POLI: variants seen among roughly 807,000 people sequenced by gnomAD.
POLI encodes the protein DNA polymerase iota.
Under a neutral mutation model 51.6 loss-of-function variants are expected in POLI, and 58 were observed. That is an observed-to-expected ratio of 1.12 (90% confidence interval 0.91 to 1.40). The LOEUF (loss-of-function observed/expected upper bound fraction) is 1.40, where lower values mean the gene tolerates loss of function less well. POLI is among the 40% of genes most tolerant of loss of function. The pLI is 0.00. For synonymous variants in POLI, 322 were observed against 299.7 expected (o/e 1.07, Z -0.77); for missense variants, 921 against 871.3 (o/e 1.06, Z -0.72).
intron 3 of POLI, among the ~76,000 whole-genome samples, chr18:54,275,750 CT>C (rs1372837679): frequency 6.6e-6 from 1 of 151,996 alleles, no homozygotes; most frequent in Non-Finnish European, 1.5e-5. Context: ...TCACTTGCAC[CT>C]GTTTTTAATT....
intron 3 of POLI, 66 bp downstream of exon 3, chr18:54,274,156 A>AT (rs2087135410): frequency 1.3e-6 from 1 of 750,194 alleles, no homozygotes; most frequent in Non-Finnish European, 1.9e-6. Context: ...CATTACATGA[A>AT]TTTTTTAATA....
rs936190911 is a variant in POLI at position 54,291,951 on chromosome 18, A to T, written c.1317A>T (p.Lys439Asn). The T allele has an allele frequency of 1.2e-6, 2 of 1,610,636 alleles. No homozygotes were observed. The highest frequency in any genetic ancestry group is 1.7e-6 in the Non-Finnish European group (2 of 1,177,318). The change falls in exon 9 of 10, where the codon AAA (lysine) becomes AAT (asparagine). Residue 439 changes from lysine to asparagine, a missense_variant. Lys to Asn is a moderately conservative substitution (Grantham distance 94). Coordinates refer to ENST00000579534, the MANE Select transcript of POLI (RefSeq NM_007195.3). The stretch of plus-strand genomic sequence containing the variant: ...TAAGTGTGTGCTTCTGCAACCTTAA[A>T]GCACTAAATACTGCTAAGAAAGGGC... ...TLLSVCFCNL[K>N]ALNTAKKGLI... is the part of the protein sequence containing the mutation.
At chr18:54,275,619 A>G (rs1041033096) in intron 3 of POLI, among the ~76,000 whole-genome samples, 7 of 152,218 alleles carry the variant, frequency 4.6e-5, no homozygotes, top group African/African-American at 1.7e-4. Context: ...GCCTCCTCTC[A>G]TATTCATCAT....
downstream of POLI, among the ~76,000 whole-genome samples, chr18:54,303,100 T>C (rs2088519867): frequency 6.6e-6 from 1 of 152,226 alleles, no homozygotes; most frequent in African/African-American, 2.4e-5. Context: ...AGCTGTGATA[T>C]ATAGTCTTGC....
intron 3 of POLI, among the ~76,000 whole-genome samples, chr18:54,304,477 A>G (rs1176548973): frequency 1.3e-5 from 2 of 152,196 alleles, no homozygotes; most frequent in Non-Finnish European, 2.9e-5. Context: ...ATGGTATCTC[A>G]TTGTGGTTTT....
intron 3 of POLI, among the ~76,000 whole-genome samples, chr18:54,310,896 A>G (rs1285331470): frequency 6.6e-6 from 1 of 152,162 alleles, no homozygotes; most frequent in East Asian, 1.9e-4. Context: ...TCTGAGAACT[A>G]TACAGAATCA....
intron 1 of POLI, 79 bp downstream of exon 1, chr18:54,269,740 G>T: frequency 2.1e-6 from 3 of 1,407,004 alleles, no homozygotes; most frequent in Non-Finnish European, 2.8e-6. Context: ...TCGGGGCGGC[G>T]GCCACTGGGG....
chr18:54,269,586 GGCGA>G lies in POLI; in HGVS notation c.41_44del (p.Gly14AlafsTer41). 5 of 1,415,776 alleles carry G rather than the reference GGCGA, an allele frequency of 3.5e-6. No individual in the cohort carries two copies. Among genetic ancestry groups the G allele is most frequent in the Non-Finnish European group, 4.6e-6 (5 of 1,097,784 alleles). 87.7% of individuals were successfully genotyped at this position (1,415,776 alleles called of 1,614,324 possible). ...GGTGGAGCCGGAGGAGGAAGGCGGCGGCGACGACGACGAGGAAGACGCCGAGGCC... is the reference window on the plus strand; with the variant it reads ...GGTGGAGCCGGAGGAGGAAGGCGGCGCGACGACGAGGAAGACGCCGAGGCC... On this transcript the variant is annotated frameshift_variant, in exon 1 of 10. Transcript: ENST00000579534. LOFTEE classifies it high-confidence loss of function.
chr18:54,295,997 A>T lies in POLI; in HGVS notation c.*1530A>T. 4.1e-6 allele frequency: 4 copies of T among 985,014 alleles called. No individual in the cohort carries two copies. In the South Asian group the frequency reaches 1.4e-4, roughly 35 times the overall value. The allele number at this position is 985,014 out of a possible 1,614,324, so 61.0% of individuals were successfully genotyped here. A position where few individuals can be genotyped will look rare whatever the true frequency, so the allele number is the denominator to read the frequency against. On this transcript the variant is annotated 3_prime_UTR_variant, in exon 10 of 10. Transcript: ENST00000579534. ...AAATATGCTAACACGAAGGATTGTA[A>T]ATAGGTAGTTTGAGGTTATCAGGAA...
chr18:54,269,776 T>C, intron 1 of POLI, 115 bp downstream of exon 1: 19 of 1,390,644 alleles, frequency 1.4e-5, no homozygotes, highest in Non-Finnish European at 1.8e-5. Flanking sequence ...CCCACTCGGC[T>C]CCTCTAAGAG....
downstream of POLI, among the ~76,000 whole-genome samples, chr18:54,299,611 A>G (rs769976467): frequency 7.2e-5 from 11 of 152,198 alleles, no homozygotes; most frequent in Non-Finnish European, 1.6e-4. Context: ...AATAATAAAC[A>G]CAGCATCTGT....
intron 3 of POLI, among the ~76,000 whole-genome samples, chr18:54,277,023 T>C (rs1361283652): frequency 5.9e-5 from 9 of 152,168 alleles, no homozygotes; most frequent in African/African-American, 2.2e-4. Context: ...TATATGAAAA[T>C]TGATAGTTTT....
At chr18:54,281,100 A>G (rs1434015076) in intron 5 of POLI, among the ~76,000 whole-genome samples, 197 bp downstream of exon 5, 1 of 152,160 alleles carries the variant, frequency 6.6e-6, no homozygotes, top group Non-Finnish European at 1.5e-5. Flanking sequence ...TTGGATTAAG[A>G]AATATGTGAA....
At chr18:54,310,871 G>T (rs2088660713) in intron 3 of POLI, among the ~76,000 whole-genome samples, 1 of 151,944 alleles carries the variant, frequency 6.6e-6, no homozygotes. Flanking sequence ...TCTAGGTTTG[G>T]CCGCCAGAAA....
intron 3 of POLI, among the ~76,000 whole-genome samples, chr18:54,307,739 A>C (rs62091233): frequency 3.9e-5 from 6 of 152,108 alleles, no homozygotes; most frequent in Non-Finnish European, 8.8e-5. Context: ...GTAGATCACT[A>C]AGGACTTGCT....
intron 3 of POLI, among the ~76,000 whole-genome samples, chr18:54,313,253 G>C (rs997204696): frequency 6.6e-6 from 1 of 152,116 alleles, no homozygotes; most frequent in Admixed American, 6.5e-5. Context: ...AAGATCAGAT[G>C]GTTGTAGGTA....
At position 54,294,265 on chromosome 18, in the gene POLI, CAGAT is replaced by C. The variant is rs765053287; in HGVS notation, c.2024_2027del (p.Asp675AlafsTer6). 3 of 1,613,656 alleles carry C rather than the reference CAGAT, an allele frequency of 1.9e-6. No homozygotes were observed. The highest frequency in any genetic ancestry group is 2.5e-6 in the Non-Finnish European group (3 of 1,179,684). On this transcript the variant is annotated frameshift_variant, in exon 10 of 10. Transcript: ENST00000579534. LOFTEE classifies it high-confidence loss of function. The stretch of plus-strand genomic sequence containing the variant: ...CAACTTTTCTCCAGAAACCACACTA[CAGAT>C]AGCCATAAGCAAACAGTAGCAACAG...
rs897802628 is a variant in POLI, at chr18:54,271,635, C to T, written c.241+150C>T. The stretch of plus-strand genomic sequence containing the variant: ...ATAGCTGGTCATTTTTGCTTCACTA[C>T]CAAGTGTAAATTTTACAAGCCTCAT... On this transcript the variant is annotated intron_variant, in intron 2 of 9. Transcript: ENST00000579534. 11 of 541,458 alleles carry T rather than the reference C, an allele frequency of 2.0e-5. No individual in the cohort carries two copies. In the African/African-American group the frequency reaches 2.1e-4, roughly 10 times the overall value. The allele number at this position is 541,458 out of a possible 1,614,324, so 33.5% of individuals were successfully genotyped here. A position where few individuals can be genotyped will look rare whatever the true frequency, so the allele number is the denominator to read the frequency against.
At position 54,315,883 on chromosome 18, in the gene POLI, T is replaced by C. The variant is rs558807987; in HGVS notation, c.334-4390T>C. ...TGGGTTTCTTGAAGACAGCAGACAG[T>C]TGGGTCTTGATTTTTTATCCAACTT... On this transcript the variant is annotated intron_variant, in intron 3 of 4. Coordinates refer to the POLI transcript ENST00000579823. 1.4e-3 allele frequency among the ~76,000 whole-genome samples: 217 copies of C among 152,150 alleles called. 1 individual carries two copies. The highest frequency in any genetic ancestry group is 5.0e-3 in the African/African-American group (206 of 41,514).
Sources: allele counts gnomAD v4.1 joint callset (sites outside exome capture counted in the v4.1 genomes callset), GRCh38; gene constraint gnomAD v4.1.1; transcripts MANE v1.5; gene names NCBI Gene and HGNC (gene_info 2026-07-23, HGNC 2026-07-21).